The following HECTD2 variants were observed in gnomAD, a reference collection of about 807,000 sequenced individuals.
HECTD2 encodes the protein HECT domain E3 ubiquitin protein ligase 2.
HECTD2 carries 35 observed loss-of-function variants against 103.2 expected under a neutral mutation model. That is an observed-to-expected ratio of 0.34 (90% CI 0.26 to 0.45). The LOEUF is 0.45. HECTD2 is among the 20% of genes least tolerant of loss of function. The pLI is 1.00. For synonymous variants in HECTD2, 281 were observed against 329.9 expected (o/e 0.85, Z 1.61); for missense variants, 596 against 937.4 (o/e 0.64, Z 4.76).
At chr10:91,428,517 T>C (rs1331111535) in intron 2 of HECTD2, among the ~76,000 whole-genome samples, 2 of 152,226 alleles carry the variant, frequency 1.3e-5, no homozygotes, top group South Asian at 2.1e-4. Flanking sequence ...GAGCATGGAA[T>C]GTTCTTCCAT....
chr10:91,500,027 G>T (rs1055530772), intron 18 of HECTD2, among the ~76,000 whole-genome samples: 2 of 152,128 alleles, frequency 1.3e-5, no homozygotes, highest in Non-Finnish European at 2.9e-5. Context: ...GCATAGCATG[G>T]TCTCTGTGTT....
intron 20 of HECTD2, among the ~76,000 whole-genome samples, chr10:91,503,938 G>A (rs1232711167): frequency 6.6e-6 from 1 of 152,198 alleles, no homozygotes; most frequent in African/African-American, 2.4e-5. Context: ...CTGAGAACAG[G>A]CAGACTGCCG....
intron 5 of HECTD2, among the ~76,000 whole-genome samples, chr10:91,472,777 G>T (rs984589478): frequency 1.3e-5 from 2 of 151,996 alleles, no homozygotes; most frequent in African/African-American, 4.8e-5. Flanking sequence ...CAGAATGGCT[G>T]TTACAGATAT....
At chr10:91,437,619 C>CTTTTTTTTTTTTTTTTTT (rs59785873) in intron 2 of HECTD2, among the ~76,000 whole-genome samples, 1 of 87,414 alleles carries the variant, frequency 1.1e-5, no homozygotes. Flanking sequence ...GATGGTTGTT[C>CTTTTTTTTTTTTTTTTTT]TTTTTTTTTT....
chr10:91,424,892 TA>T (rs1305261227), intron 1 of HECTD2, among the ~76,000 whole-genome samples: 3 of 152,086 alleles, frequency 2.0e-5, no homozygotes, highest in African/African-American at 7.2e-5. Flanking sequence ...TCCTATTTAT[TA>T]AAAATAATAT....
intron 4 of HECTD2, 26 bp downstream of exon 4, chr10:91,461,382 C>T: frequency 9.0e-7 from 1 of 1,110,752 alleles, no homozygotes; most frequent in Non-Finnish European, 1.3e-6. Flanking sequence ...ACACACTTTT[C>T]ATTTCACTTT....
intron 1 of HECTD2, among the ~76,000 whole-genome samples, chr10:91,424,298 T>G (rs767269495): frequency 2.6e-5 from 4 of 152,162 alleles, no homozygotes; most frequent in Non-Finnish European, 4.4e-5. Context: ...ATGGGGAATT[T>G]AGTGAGCATA....
At position 91,480,285 on chromosome 10, in the gene HECTD2, G is replaced by A. The variant is rs529180904; in HGVS notation, c.666-809G>A. 6.2e-4 allele frequency among the ~76,000 whole-genome samples: 95 copies of A among 152,210 alleles called. No homozygotes were observed. The South Asian group carries it at 0.016, about 25-fold the overall frequency. ...ACCTTGCCAAGATTATAAAGCTCTAGGTAGGATAGGAAAGGACTTGGAGGA... is the reference window on the plus strand; with the variant it reads ...ACCTTGCCAAGATTATAAAGCTCTAAGTAGGATAGGAAAGGACTTGGAGGA... On this transcript the variant is annotated intron_variant, in intron 6 of 20. Coordinates refer to ENST00000298068, the MANE Select transcript of HECTD2 (RefSeq NM_182765.6).
intron 1 of HECTD2, among the ~76,000 whole-genome samples, chr10:91,421,114 C>T (rs1382945343): frequency 6.6e-6 from 1 of 152,110 alleles, no homozygotes; most frequent in Non-Finnish European, 1.5e-5. Flanking sequence ...ACTTCCCATT[C>T]ATTTGTCAAT....
At chr10:91,445,636 G>A (rs1191941545) in intron 2 of HECTD2, among the ~76,000 whole-genome samples, 1 of 152,082 alleles carries the variant, frequency 6.6e-6, no homozygotes, top group Non-Finnish European at 1.5e-5. Context: ...AGCTCCCAGT[G>A]AGATCAACGC....
chr10:91,445,683 C>A (rs1844573508), intron 2 of HECTD2, among the ~76,000 whole-genome samples: 1 of 152,032 alleles, frequency 6.6e-6, no homozygotes. Flanking sequence ...AACTGAGGTA[C>A]CCAGCTCATC....
chr10:91,484,242 C>A, intron 8 of HECTD2: 1 of 738,186 alleles, frequency 1.4e-6, no homozygotes, highest in Non-Finnish European at 2.1e-6. Flanking sequence ...AATATAGAAT[C>A]TGTGAATAAT....
At chr10:91,445,384 T>C (rs907941328) in intron 2 of HECTD2, among the ~76,000 whole-genome samples, 2 of 152,172 alleles carry the variant, frequency 1.3e-5, no homozygotes, top group Non-Finnish European at 2.9e-5. Context: ...TTGCTGCTGG[T>C]TACACGCTCT....
rs191367638 is a variant in HECTD2 at position 91,478,393 on chromosome 10, G to A, written c.665+128G>A. 2.3e-5 allele frequency: 14 copies of A among 609,124 alleles called. No homozygotes were observed. In the East Asian group the frequency reaches 4.0e-4, roughly 18 times the overall value. The allele number at this position is 609,124 out of a possible 1,614,324, so 37.7% of individuals were successfully genotyped here. A position where few individuals can be genotyped will look rare whatever the true frequency, so the allele number is the denominator to read the frequency against. On this transcript the variant is annotated intron_variant, in intron 6 of 20. Coordinates refer to ENST00000298068, the MANE Select transcript of HECTD2 (RefSeq NM_182765.6). The stretch of plus-strand genomic sequence containing the variant: ...TTAGTTGAGTTATAATAACATAGAT[G>A]AGAAAAGAATTATAAGCCATTTACA...
intron 2 of HECTD2, among the ~76,000 whole-genome samples, chr10:91,426,536 A>G (rs1843565510): frequency 6.6e-6 from 1 of 151,220 alleles, no homozygotes; most frequent in Non-Finnish European, 1.5e-5. Context: ...TTTACCTTTG[A>G]TAACTTCTTT....
Position 91,499,139 on chromosome 10 carries a change from A to G in HECTD2, c.1939A>G (p.Asn647Asp), listed in dbSNP as rs141348612. 56 of 1,599,072 alleles carry G rather than the reference A, an allele frequency of 3.5e-5. No individual in the cohort carries two copies. Among genetic ancestry groups the G allele is most frequent in the African/African-American group, 2.1e-4 (16 of 74,622 alleles). ...TGGATTTCATAGTGTGTGTGCTTCAAATGCCCTAATGGTGAGTTTATAACT... is the reference window on the plus strand; with the variant it reads ...TGGATTTCATAGTGTGTGTGCTTCAGATGCCCTAATGGTGAGTTTATAACT... ...YYGFHSVCASNALMLLRPEEV... is the reference protein window; with the variant it reads ...YYGFHSVCASDALMLLRPEEV... The change falls in exon 18 of 21, where the codon AAT becomes GAT. Residue 647 changes from asparagine (N) to aspartate (D), a missense_variant. Around this residue, in one of 4 missense-constraint regions of HECTD2, gnomAD observed 69 missense variants for 153.8 expected, o/e 0.45. Coordinates refer to ENST00000298068, the MANE Select transcript of HECTD2 (RefSeq NM_182765.6).
chr10:91,413,056 T>C (rs573019669), intron 1 of HECTD2, among the ~76,000 whole-genome samples: 212 of 152,324 alleles, frequency 1.4e-3, no homozygotes, highest in Non-Finnish European at 2.6e-3. Flanking sequence ...GCCTAATGGT[T>C]CTGCCTGTCT....
chr10:91,484,474 T>C, intron 8 of HECTD2, 33 bp from the exon 9 acceptor site: 2 of 1,589,394 alleles, frequency 1.3e-6, no homozygotes, highest in Admixed American at 1.8e-5. Context: ...AAAATGTGAA[T>C]TTTGATTGCA....
At chr10:91,427,421 G>A (rs1178326128) in intron 2 of HECTD2, among the ~76,000 whole-genome samples, 1 of 152,026 alleles carries the variant, frequency 6.6e-6, no homozygotes, top group Non-Finnish European at 1.5e-5. Flanking sequence ...CTGAGGAATC[G>A]CCACACTGAC....
Sources: allele counts gnomAD v4.1 joint callset (sites outside exome capture counted in the v4.1 genomes callset), GRCh38; gene constraint gnomAD v4.1.1; regional missense constraint gnomAD v4.1.1; transcripts MANE v1.5; gene names NCBI Gene and HGNC (gene_info 2026-07-23, HGNC 2026-07-21).